MTM1: variants seen among roughly 807,000 people sequenced by gnomAD.
The protein encoded by MTM1 is myotubularin.
In MTM1, 9 loss-of-function variants were observed where a neutral mutation model predicts 52.1. The observed-to-expected ratio is 0.17, with a 90% CI of 0.10 to 0.30. The LOEUF (loss-of-function observed/expected upper bound fraction) is 0.30, where lower values mean the gene tolerates loss of function less well. MTM1 is among the 10% of genes least tolerant of loss of function. The pLI, the probability that MTM1 is intolerant of heterozygous loss-of-function variation, is 1.00. For missense variants in MTM1, 277 were observed against 470.7 expected (o/e 0.59, Z 3.81); for synonymous variants, 136 against 163.8 (o/e 0.83, Z 1.29).
chrX:150,657,746 T>C, intron 10 of MTM1, 75 bp from the exon 11 acceptor site: 2 of 986,642 alleles, frequency 2.0e-6, no homozygotes, highest in Non-Finnish European at 2.9e-6. Flanking sequence ...GCATGGCTTT[T>C]TCTAAGTTTA....
intron 1 of MTM1, among the ~76,000 whole-genome samples, chrX:150,574,370 C>T (rs1439783934): frequency 9.0e-6 from 1 of 111,004 alleles, no homozygotes; most frequent in African/African-American, 3.3e-5. Context: ...GACCCACCAC[C>T]GACTCCTTAA....
rs1450301614 is a variant in MTM1 at position 150,583,678 on chromosome X, ATAAT to A, written c.-10-8925_-10-8922del. ...TATATTATATATAATTTATATATAA[ATAAT>A]TTGTATATATTATTTATAAATATAT... On this transcript the variant is annotated intron_variant, in intron 1 of 14. Coordinates refer to ENST00000370396, the MANE Select transcript of MTM1 (RefSeq NM_000252.3). Among the ~76,000 whole-genome samples the A allele has an allele frequency of 3.2e-3, 113 of 35,487 alleles. 18 individuals carry two copies. The highest frequency in any genetic ancestry group is 4.5e-3 in the Non-Finnish European group (100 of 22,000). The allele number at this position is 35,487 out of a possible 115,157, so 30.8% of individuals were successfully genotyped here.
chrX:150,637,363 G>T (rs781823489), intron 6 of MTM1, among the ~76,000 whole-genome samples: 66 of 111,328 alleles, frequency 5.9e-4, no homozygotes, highest in African/African-American at 2.1e-3. Flanking sequence ...CAGACGCAGC[G>T]CCTCCAGAGA....
intron 10 of MTM1, among the ~76,000 whole-genome samples, chrX:150,654,060 C>T (rs978745723): frequency 8.9e-6 from 1 of 112,110 alleles, no homozygotes; most frequent in Admixed American, 9.5e-5. Flanking sequence ...AGAGCCAGTG[C>T]TCTTAACTAC....
chrX:150,593,133 C>T (rs782682667), intron 2 of MTM1, among the ~76,000 whole-genome samples: 50 of 112,664 alleles, frequency 4.4e-4, no homozygotes, highest in Middle Eastern at 9.2e-3. Flanking sequence ...GAGTGAGCTA[C>T]CACGCCGGCC....
chrX:150,627,910 G>A (rs781904193), intron 6 of MTM1, among the ~76,000 whole-genome samples: 3 of 112,128 alleles, frequency 2.7e-5, no homozygotes, highest in Non-Finnish European at 5.6e-5. Context: ...AGTTTTGTGA[G>A]TTTCGTCCAC....
chrX:150,621,122 A>G (rs1557413286), intron 6 of MTM1, among the ~76,000 whole-genome samples: 1 of 100,456 alleles, frequency 1.0e-5, no homozygotes, highest in Non-Finnish European at 2.0e-5. Flanking sequence ...CCATCTCAAA[A>G]AAAAAAAAAA....
chrX:150,621,754 G>A (rs782755111), intron 6 of MTM1, among the ~76,000 whole-genome samples: 2 of 111,459 alleles, frequency 1.8e-5, no homozygotes. Context: ...TCATCTTACC[G>A]CTCAATTGTT....
intron 1 of MTM1, among the ~76,000 whole-genome samples, chrX:150,590,248 A>T (rs1192363467): frequency 8.9e-6 from 1 of 112,326 alleles, no homozygotes; most frequent in Non-Finnish European, 1.9e-5. Flanking sequence ...TGGAACTGGC[A>T]CATGTTATCT....
intron 6 of MTM1, among the ~76,000 whole-genome samples, chrX:150,637,563 T>C (rs1286254147): frequency 1.8e-5 from 2 of 111,924 alleles, no homozygotes; most frequent in Non-Finnish European, 3.8e-5. Flanking sequence ...AACAAGTACA[T>C]ATGTAATATG....
chrX:150,628,309 C>T (rs2039604632), intron 6 of MTM1, among the ~76,000 whole-genome samples: 1 of 111,693 alleles, frequency 9.0e-6, no homozygotes, highest in Non-Finnish European at 1.9e-5. Context: ...GGTATAAAGA[C>T]CATCACATTT....
chrX:150,578,506 T>C (rs1413798778), intron 1 of MTM1, among the ~76,000 whole-genome samples: 4 of 112,443 alleles, frequency 3.6e-5, no homozygotes, highest in African/African-American at 1.3e-4. Flanking sequence ...AAGTTTGTTA[T>C]TCAGCAATAT....
At chrX:150,660,634 A>G in intron 13 of MTM1, 150 bp downstream of exon 13, 1 of 467,938 alleles carries the variant, frequency 2.1e-6, no homozygotes, top group Non-Finnish European at 3.8e-6. Context: ...TTTGTGTTAT[A>G]TAAAGGAATA....
At chrX:150,664,964 GTAAT>G (rs2040281150) in intron 14 of MTM1, among the ~76,000 whole-genome samples, 1 of 111,720 alleles carries the variant, frequency 9.0e-6, no homozygotes, top group Non-Finnish European at 1.9e-5. Flanking sequence ...ATTCCTAAAG[GTAAT>G]AATGATAATT....
At chrX:150,667,209 C>T (rs190697888) in intron 14 of MTM1, among the ~76,000 whole-genome samples, 1 of 111,705 alleles carries the variant, frequency 9.0e-6, no homozygotes, top group Admixed American at 9.5e-5. Context: ...GACCTCCTGG[C>T]ATCCTCACCA....
chrX:150,581,444 G>A (rs782353103), intron 1 of MTM1, among the ~76,000 whole-genome samples: 39 of 111,560 alleles, frequency 3.5e-4, no homozygotes, highest in Non-Finnish European at 5.6e-4. Context: ...CCTTTTAAAA[G>A]ATAGTTTTAA....
intron 10 of MTM1, among the ~76,000 whole-genome samples, chrX:150,650,335 G>A (rs1008605029): frequency 2.7e-5 from 3 of 109,379 alleles, no homozygotes; most frequent in Non-Finnish European, 5.7e-5. Context: ...GTTTTATTAT[G>A]TTCAATCCTT....
intron 6 of MTM1, among the ~76,000 whole-genome samples, chrX:150,631,801 T>A: frequency 9.0e-6 from 1 of 111,216 alleles, no homozygotes. Context: ...AAGATATGAA[T>A]CCAACTCTTT....
intron 6 of MTM1, among the ~76,000 whole-genome samples, chrX:150,636,160 G>A (rs186489963): frequency 4.0e-3 from 442 of 111,473 alleles, no homozygotes; most frequent in Non-Finnish European, 6.5e-3. Context: ...GTCAGAATGT[G>A]AAGTATCATC....
Sources: allele counts gnomAD v4.1 joint callset (sites outside exome capture counted in the v4.1 genomes callset), GRCh38; gene constraint gnomAD v4.1.1; transcripts MANE v1.5; gene names NCBI Gene and HGNC (gene_info 2026-07-23, HGNC 2026-07-21).